The following GPD2 variants were observed in gnomAD, a reference collection of about 807,000 sequenced individuals.
GPD2 encodes the protein glycerol-3-phosphate dehydrogenase, mitochondrial.
In GPD2, 54 loss-of-function variants were observed where a neutral mutation model predicts 82.4. The ratio of observed to expected loss-of-function variants is 0.66; its 90% CI spans 0.53 to 0.82. The LOEUF is 0.82. Ranked by LOEUF, GPD2 falls within the 40% of genes least tolerant of loss-of-function variation. GPD2 has a pLI of 0.00. For missense variants in GPD2, 748 were observed against 896.2 expected (o/e 0.83, Z 2.11); for synonymous variants, 288 against 306.1 (o/e 0.94, Z 0.62).
At chr2:156,426,738 A>G in the GPD2 span, among the ~76,000 whole-genome samples, 1 of 152,154 alleles carries the variant, frequency 6.6e-6, no homozygotes, top group Non-Finnish European at 1.5e-5. Context: ...CCTTATATAG[A>G]GAGAACAAAC....
chr2:156,563,820 C>T (rs887093160), intron 9 of GPD2, among the ~76,000 whole-genome samples: 1 of 152,062 alleles, frequency 6.6e-6, no homozygotes, highest in African/African-American at 2.4e-5. Flanking sequence ...TGTAGAGCTG[C>T]TCTGTGCTAT....
intron 1 of GPD2, among the ~76,000 whole-genome samples, chr2:156,456,181 T>C (rs1161047056): frequency 3.9e-5 from 6 of 152,226 alleles, no homozygotes; most frequent in African/African-American, 1.4e-4. Flanking sequence ...ACCAAAGAAA[T>C]GCAAACAAAT....
intron 6 of GPD2, among the ~76,000 whole-genome samples, chr2:156,544,782 A>G (rs1054397383): frequency 6.6e-6 from 1 of 152,192 alleles, no homozygotes; most frequent in East Asian, 1.9e-4. Flanking sequence ...AGCACAGTGT[A>G]TCACCCACAT....
intron 3 of GPD2, among the ~76,000 whole-genome samples, chr2:156,498,822 T>C (rs906016326): frequency 3.9e-5 from 6 of 152,190 alleles, no homozygotes; most frequent in African/African-American, 9.6e-5. Context: ...ATTTTTTTCC[T>C]TTTTTCTTTT....
rs1364972870 is a variant in GPD2, at chr2:156,584,315, G to A, written c.*1397G>A. 1 of 151,928 alleles carries A rather than the reference G, an allele frequency of 6.6e-6. No homozygotes were observed. The highest frequency in any genetic ancestry group is 2.4e-5 in the African/African-American group (1 of 41,392). 9.4% of individuals were successfully genotyped at this position (151,928 alleles called of 1,614,324 possible). On this transcript the variant is annotated 3_prime_UTR_variant, in exon 17 of 17. Transcript: ENST00000438166. ...TTAACATCAGGTTCTGTATCTAATA[G>A]GAGATGTAACACTTTATTTCATGGC...
At chr2:156,439,516 A>C (rs1346889848) in intron 1 of GPD2, among the ~76,000 whole-genome samples, 1 of 48,970 alleles carries the variant, frequency 2.0e-5, no homozygotes. Flanking sequence ...TGTCTCAGAA[A>C]AAAAAAAAAA....
At chr2:156,492,356 T>A (rs1684212010) in intron 2 of GPD2, among the ~76,000 whole-genome samples, 1 of 151,532 alleles carries the variant, frequency 6.6e-6, no homozygotes, top group African/African-American at 2.4e-5. Context: ...TTTTGACACA[T>A]TGGCCAGGCT....
intron 1 of GPD2, among the ~76,000 whole-genome samples, chr2:156,469,941 C>T (rs1324243203): frequency 6.6e-6 from 1 of 152,132 alleles, no homozygotes; most frequent in Non-Finnish European, 1.5e-5. Flanking sequence ...GTTCTTGGAT[C>T]TCACACAAGA....
At chr2:156,558,796 T>TTTTTTTTTC (rs1687059252) in intron 9 of GPD2, among the ~76,000 whole-genome samples, 1 of 124,840 alleles carries the variant, frequency 8.0e-6, no homozygotes, top group Non-Finnish European at 1.6e-5. Context: ...TTTTTTTTTT[T>TTTTTTTTTC]AAGTAGAGAC....
At chr2:156,454,723 G>C (rs978762412) in intron 1 of GPD2, among the ~76,000 whole-genome samples, 3 of 152,082 alleles carry the variant, frequency 2.0e-5, no homozygotes, top group African/African-American at 7.2e-5. Flanking sequence ...GAAGGTGAGA[G>C]ATGGGGAAGA....
intron 1 of GPD2, among the ~76,000 whole-genome samples, chr2:156,464,109 A>G (rs910719400): frequency 6.6e-6 from 1 of 152,232 alleles, no homozygotes; most frequent in African/African-American, 2.4e-5. Flanking sequence ...TTATTTTTGC[A>G]TAGGTGAAGG....
chr2:156,559,768 C>G (rs1305771272), intron 9 of GPD2, among the ~76,000 whole-genome samples: 1 of 152,172 alleles, frequency 6.6e-6, no homozygotes, highest in Non-Finnish European at 1.5e-5. Context: ...TTTATACTCA[C>G]ACACATACAC....
At chr2:156,519,294 T>A (rs1685308887) in intron 6 of GPD2, among the ~76,000 whole-genome samples, 1 of 152,170 alleles carries the variant, frequency 6.6e-6, no homozygotes, top group Admixed American at 6.5e-5. Context: ...ATGTGTTTAG[T>A]GAGAGGACAG....
intron 6 of GPD2, among the ~76,000 whole-genome samples, chr2:156,514,683 C>A (rs1685133118): frequency 6.6e-6 from 1 of 151,888 alleles, no homozygotes; most frequent in African/African-American, 2.4e-5. Flanking sequence ...CTAGGATCAA[C>A]AATATTAGAA....
At chr2:156,552,744 C>T (rs1244841852) in intron 8 of GPD2, among the ~76,000 whole-genome samples, 3 of 152,126 alleles carry the variant, frequency 2.0e-5, no homozygotes, top group Non-Finnish European at 4.4e-5. Flanking sequence ...AATGGGCAAA[C>T]ATTCTGCTCC....
chr2:156,571,364 C>G, intron 13 of GPD2, 72 bp downstream of exon 13: 1 of 951,224 alleles, frequency 1.1e-6, no homozygotes, highest in Non-Finnish European at 1.6e-6. Context: ...TTAGTAGAAG[C>G]TAGCGTAGTT....
At chr2:156,447,914 A>T (rs1682424377) in intron 1 of GPD2, among the ~76,000 whole-genome samples, 1 of 152,168 alleles carries the variant, frequency 6.6e-6, no homozygotes, top group Admixed American at 6.5e-5. Context: ...CCAAGTCAAC[A>T]TTCTTGGGCA....
chr2:156,456,698 G>T (rs1682801237), intron 1 of GPD2, among the ~76,000 whole-genome samples: 1 of 152,140 alleles, frequency 6.6e-6, no homozygotes, highest in African/African-American at 2.4e-5. Flanking sequence ...AATGAATCAA[G>T]TAAGAGTGGG....
chr2:156,495,609 G>A (rs1684340543), intron 2 of GPD2: 2 of 464,300 alleles, frequency 4.3e-6, no homozygotes, highest in African/African-American at 4.0e-5. Context: ...GTATACTTCT[G>A]AGAAAGTGTG....
Sources: gnomAD v4.1 joint callset for allele counts (sites outside exome capture counted in the v4.1 genomes callset) on GRCh38, gnomAD v4.1.1 for gene constraint, MANE v1.5 for transcripts, NCBI Gene and HGNC (gene_info 2026-07-23, HGNC 2026-07-21) for gene names.